The following CHST6 variants were observed in gnomAD, a reference collection of about 807,000 sequenced individuals.
CHST6 encodes carbohydrate sulfotransferase 6.
For synonymous variants in CHST6, 309 were observed against 276.4 expected (o/e 1.12, Z -1.17); for missense variants, 698 against 586.2 (o/e 1.19, Z -1.97).
chr16:75,486,191 C>A (rs3889404), intron 1 of CHST6, among the ~76,000 whole-genome samples: 1 of 152,246 alleles, frequency 6.6e-6, no homozygotes, highest in Admixed American at 6.5e-5. Context: ...TCAAGGCATG[C>A]CCCACTCTGC....
rs769174133 is a variant in CHST6, at chr16:75,479,023, C to T, written c.806G>A (p.Arg269His). Reference protein sequence around the residue: ...KPPPFLRGRYRLVRFEDLARE... With the variant: ...KPPPFLRGRYHLVRFEDLARE... ...CGCCAGGTCCTCGAAGCGCACCAGG[C>T]GGTAGCGGCCGCGCAGAAAGGGTGG... The change falls in exon 3 of 3, where the codon CGC becomes CAC. Residue 269 changes from arginine to histidine, a missense_variant. Transcript: ENST00000332272. 4 of 1,610,322 alleles carry T rather than the reference C, an allele frequency of 2.5e-6. No homozygotes were observed. The highest frequency in any genetic ancestry group is 2.2e-5 in the South Asian group (2 of 91,062).
intron 1 of CHST6, among the ~76,000 whole-genome samples, chr16:75,493,891 C>T (rs62060555): frequency 5.3e-5 from 8 of 152,176 alleles, no homozygotes; most frequent in Non-Finnish European, 1.0e-4. Flanking sequence ...GTTGTCCAGA[C>T]TGGAGTGAAG....
chr16:75,487,011 G>A (rs1056073568), intron 1 of CHST6, among the ~76,000 whole-genome samples: 1 of 152,188 alleles, frequency 6.6e-6, no homozygotes, highest in African/African-American at 2.4e-5. Context: ...CCTGACTGAA[G>A]AAGATAGTAA....
chr16:75,478,950 G>A lies in CHST6; in HGVS notation c.879C>T (p.Leu293=), dbSNP rs1303759942. The change falls in exon 3 of 3, where the codon CTC becomes CTT. Residue 293 remains leucine, a synonymous_variant. Transcript: ENST00000332272. Reference sequence around the variant, plus strand: ...AGGCCTCGAGCTGTGGCGTGAGACTGAGCCCAGTGAAGGCGTAGAGCGCAC... The same window carrying A: ...AGGCCTCGAGCTGTGGCGTGAGACTAAGCCCAGTGAAGGCGTAGAGCGCAC... ...EIRALYAFTG[L]SLTPQLEAWI... is the part of the protein sequence containing the mutation. 2 of 1,613,102 alleles carry A rather than the reference G, an allele frequency of 1.2e-6. No individual in the cohort carries two copies. Among genetic ancestry groups the A allele is most frequent in the East Asian group, 2.2e-5 (1 of 44,874 alleles).
chr16:75,482,698 G>A (rs540376429), intron 1 of CHST6, among the ~76,000 whole-genome samples: 1 of 152,274 alleles, frequency 6.6e-6, no homozygotes, highest in Non-Finnish European at 1.5e-5. Context: ...GAGGAGCCTG[G>A]AAGTTTTCTC....
In CHST6 at chr16:75,474,718, T is replaced by C. The variant is rs1003736328; in HGVS notation, c.*3923A>G. ...GGCATCATATGGCAGAAGGGCAAAGTGAGGGCGAGAGAAAGACAAAGAATG... is the reference window on the plus strand; with the variant it reads ...GGCATCATATGGCAGAAGGGCAAAGCGAGGGCGAGAGAAAGACAAAGAATG... On this transcript the variant is annotated 3_prime_UTR_variant, in exon 3 of 3. Coordinates refer to ENST00000332272, the MANE Select transcript of CHST6 (RefSeq NM_021615.5). 4 of 398,594 alleles carry C rather than the reference T, an allele frequency of 1.0e-5. No homozygotes were observed. Among genetic ancestry groups the C allele is most frequent in the Non-Finnish European group, 1.8e-5 (4 of 226,060 alleles). The allele number at this position is 398,594 out of a possible 1,614,324, so 24.7% of individuals were successfully genotyped here. A position where few individuals can be genotyped will look rare whatever the true frequency, so the allele number is the denominator to read the frequency against.
At chr16:75,493,270 C>T (rs530329941) in intron 1 of CHST6, among the ~76,000 whole-genome samples, 63 of 151,850 alleles carry the variant, frequency 4.1e-4, no homozygotes, top group African/African-American at 1.4e-3. Flanking sequence ...CAGCACTTTG[C>T]GAGGCTGAGG....
At chr16:75,491,935 A>G (rs2080261316) in intron 1 of CHST6, among the ~76,000 whole-genome samples, 1 of 152,016 alleles carries the variant, frequency 6.6e-6, no homozygotes, top group Admixed American at 6.5e-5. Flanking sequence ...CACACTCTCA[A>G]CACCAGGACT....
intron 1 of CHST6, among the ~76,000 whole-genome samples, chr16:75,490,955 T>C (rs2151673394): frequency 6.6e-6 from 1 of 151,880 alleles, no homozygotes; most frequent in East Asian, 1.9e-4. Flanking sequence ...ATATACAAAG[T>C]TCAATGTGAA....
At chr16:75,487,491 C>G (rs1357986484) in intron 1 of CHST6, among the ~76,000 whole-genome samples, 4 of 151,924 alleles carry the variant, frequency 2.6e-5, no homozygotes, top group Non-Finnish European at 2.9e-5. Flanking sequence ...ACGGTGAAAC[C>G]CCATCTCTAC....
chr16:75,487,999 A>C (rs922701481), intron 1 of CHST6, among the ~76,000 whole-genome samples: 18 of 152,054 alleles, frequency 1.2e-4, no homozygotes, highest in African/African-American at 4.3e-4. Context: ...CACCTCAAAA[A>C]ACAAACAAAC....
At chr16:75,484,937 C>T (rs549511072) in intron 1 of CHST6, among the ~76,000 whole-genome samples, 1 of 152,234 alleles carries the variant, frequency 6.6e-6, no homozygotes, top group East Asian at 1.9e-4. Context: ...GAGGCCACAC[C>T]CCCTGGGCAG....
rs374493344 is a variant in CHST6 at position 75,479,213 on chromosome 16, C to A, written c.616G>T (p.Ala206Ser). The A allele has an allele frequency of 6.2e-7, 1 of 1,609,772 alleles. No homozygotes were observed. The highest frequency in any genetic ancestry group is 1.7e-5 in the Admixed American group (1 of 59,954). ...RIVHLVRDPR[A>S]VLRSREQTAK... is the part of the protein sequence containing the mutation. Reference sequence around the variant, plus strand: ...GTCTGCTCCCGGGAGCGCAGCACGGCCCGCGGGTCGCGCACCAGGTGCACG... The same window carrying A: ...GTCTGCTCCCGGGAGCGCAGCACGGACCGCGGGTCGCGCACCAGGTGCACG... The change falls in exon 3 of 3, where the codon GCC becomes TCC. Residue 206 changes from alanine (A) to serine (S), a missense_variant. Ala to Ser is a moderately conservative substitution (Grantham distance 99). Coordinates refer to ENST00000332272, the MANE Select transcript of CHST6 (RefSeq NM_021615.5).
chr16:75,494,668 C>A (rs1214858809), intron 1 of CHST6, among the ~76,000 whole-genome samples: 1 of 152,234 alleles, frequency 6.6e-6, no homozygotes, highest in Non-Finnish European at 1.5e-5. Context: ...AAGTCATGTC[C>A]TTTGAAACTC....
Position 75,479,269 on chromosome 16 carries a change from A to G in CHST6, c.560T>C (p.Leu187Pro). 6.2e-7 allele frequency: 1 copy of G among 1,612,866 alleles called. No homozygotes were observed. The highest frequency in any genetic ancestry group is 8.5e-7 in the Non-Finnish European group (1 of 1,179,766). Reference protein sequence around the residue: ...RFFNLQVLYPLLSDPALNLRI... With the variant: ...RFFNLQVLYPPLSDPALNLRI... ...TAGGTTGAGCGCGGGGTCGCTGAGC[A>G]GCGGGTAGAGCACCTGCAGGTTGAA... Residue 187 changes from leucine (L) to proline (P), a missense_variant, in exon 3 of 3, where the codon CTG (leucine) becomes CCG (proline). Leu to Pro is a moderately conservative substitution (Grantham distance 98, BLOSUM62 -3). Transcript: ENST00000332272.
Position 75,473,751 on chromosome 16 carries a change from C to T in CHST6, c.*4890G>A, listed in dbSNP as rs1367115421. Reference sequence around the variant, plus strand: ...CCTTTGGAAGCCTAAAACTGTTGTCCTTGGTCATCCTATCTCTACAAATTT... The same window carrying T: ...CCTTTGGAAGCCTAAAACTGTTGTCTTTGGTCATCCTATCTCTACAAATTT... On this transcript the variant is annotated 3_prime_UTR_variant, in exon 3 of 3. Coordinates refer to ENST00000332272, the MANE Select transcript of CHST6 (RefSeq NM_021615.5). The T allele has an allele frequency of 6.6e-6, 1 of 152,176 alleles. No homozygotes were observed. Among genetic ancestry groups the T allele is most frequent in the Non-Finnish European group, 1.5e-5 (1 of 68,036 alleles). The allele number at this position is 152,176 out of a possible 1,614,324, so 9.4% of individuals were successfully genotyped here. A position where few individuals can be genotyped will look rare whatever the true frequency, so the allele number is the denominator to read the frequency against.
intron 1 of CHST6, among the ~76,000 whole-genome samples, chr16:75,488,634 A>C (rs1407577444): frequency 6.6e-6 from 1 of 152,168 alleles, no homozygotes; most frequent in East Asian, 1.9e-4. Context: ...AAGAAAGAGG[A>C]AGAAAGAAGA....
At position 75,479,464 on chromosome 16, in the gene CHST6, T is replaced by G. The variant is rs758105699; in HGVS notation, c.365A>C (p.Gln122Pro). The change falls in exon 3 of 3, where the codon CAG (glutamine) becomes CCG (proline). Residue 122 changes from glutamine to proline, a missense_variant. Gln to Pro is a moderately conservative substitution (Grantham distance 76). Transcript: ENST00000332272. ...PWRRNLSDLFQWAVSRALCSP... is the reference protein window; with the variant it reads ...PWRRNLSDLFPWAVSRALCSP... Reference sequence around the variant, plus strand: ...GCACAGTGCACGGCTCACGGCCCACTGGAAGAGGTCGGACAGGTTGCGGCG... The same window carrying G: ...GCACAGTGCACGGCTCACGGCCCACGGGAAGAGGTCGGACAGGTTGCGGCG... 1.4e-5 allele frequency: 23 copies of G among 1,612,660 alleles called. No individual in the cohort carries two copies. Among genetic ancestry groups the G allele is most frequent in the African/African-American group, 2.7e-5 (2 of 74,864 alleles).
rs1321819348 is a variant in CHST6, at chr16:75,478,179, C to T, written c.*462G>A. The T allele has an allele frequency of 4.8e-6, 1 of 207,456 alleles. No homozygotes were observed. Among genetic ancestry groups the T allele is most frequent in the African/African-American group, 2.3e-5 (1 of 43,276 alleles). The allele number at this position is 207,456 out of a possible 1,614,324, so 12.9% of individuals were successfully genotyped here. On this transcript the variant is annotated 3_prime_UTR_variant, in exon 3 of 3. Coordinates refer to ENST00000332272, the MANE Select transcript of CHST6 (RefSeq NM_021615.5). The stretch of plus-strand genomic sequence containing the variant: ...CTCACCATGTGATTTCAGACAAGTC[C>T]TTTCACTTCCGAGTTTTGCCATGTG...
Sources: allele counts gnomAD v4.1 joint callset (sites outside exome capture counted in the v4.1 genomes callset), GRCh38; gene constraint gnomAD v4.1.1; transcripts MANE v1.5; gene names NCBI Gene and HGNC (gene_info 2026-07-23, HGNC 2026-07-21).